DPYD: variants seen among roughly 807,000 people sequenced by gnomAD.
The protein encoded by DPYD is dihydropyrimidine dehydrogenase [NADP(+)].
In DPYD, 109 loss-of-function variants were observed where a neutral mutation model predicts 116.2. The ratio of observed to expected loss-of-function variants is 0.94; its 90% CI spans 0.80 to 1.10. DPYD has a LOEUF of 1.10. DPYD is among the 50% of genes least tolerant of loss of function. DPYD has a pLI of 0.00. For missense variants in DPYD, 1,302 were observed against 1,254.5 expected, an observed-to-expected ratio of 1.04 and a Z score of -0.57; for synonymous variants, 440 against 432.0, an observed-to-expected ratio of 1.02 and a Z score of -0.23.
At chr1:97,166,784 T>C (rs2101758334) in intron 20 of DPYD, among the ~76,000 whole-genome samples, 1 of 152,282 alleles carries the variant, frequency 6.6e-6, no homozygotes, top group South Asian at 2.1e-4. Flanking sequence ...GTGCCAGAAA[T>C]TATATTTTAT....
intron 10 of DPYD, among the ~76,000 whole-genome samples, chr1:97,581,078 G>A (rs181933239): frequency 1.3e-5 from 2 of 152,012 alleles, no homozygotes; most frequent in Admixed American, 1.3e-4. Flanking sequence ...GGCCAAGGCA[G>A]GCAGATCACG....
At chr1:97,336,911 A>C (rs760342323) in intron 16 of DPYD, among the ~76,000 whole-genome samples, 3 of 152,188 alleles carry the variant, frequency 2.0e-5, no homozygotes, top group Non-Finnish European at 2.9e-5. Context: ...ACAATGTTAA[A>C]GAGGTTTCAA....
At chr1:97,597,643 C>T (rs1654975688) in intron 8 of DPYD, among the ~76,000 whole-genome samples, 1 of 152,074 alleles carries the variant, frequency 6.6e-6, no homozygotes, top group African/African-American at 2.4e-5. Context: ...TGTGGGTGGG[C>T]CCTATCCAAT....
chr1:97,165,062 G>T (rs953031191), intron 20 of DPYD, among the ~76,000 whole-genome samples: 1 of 151,900 alleles, frequency 6.6e-6, no homozygotes, highest in Non-Finnish European at 1.5e-5. Flanking sequence ...ATTCTTCACA[G>T]AACTAGAGAA....
intron 21 of DPYD, among the ~76,000 whole-genome samples, 172 bp downstream of exon 21, chr1:97,098,317 G>A (rs1650413826): frequency 6.6e-6 from 1 of 152,036 alleles, no homozygotes; most frequent in South Asian, 2.1e-4. Flanking sequence ...AATAAAAAAG[G>A]TTATTTTATA....
At chr1:97,447,998 A>AGCACTTTG (rs1676183868) in intron 14 of DPYD, among the ~76,000 whole-genome samples, 1 of 152,096 alleles carries the variant, frequency 6.6e-6, no homozygotes, top group Non-Finnish European at 1.5e-5. Flanking sequence ...CTGAGGTAGG[A>AGCACTTTG]GGACTGCTTG....
intron 15 of DPYD, among the ~76,000 whole-genome samples, chr1:97,376,327 T>A (rs1671610953): frequency 6.6e-6 from 1 of 152,206 alleles, no homozygotes; most frequent in Admixed American, 6.5e-5. Flanking sequence ...CCTTACAGCT[T>A]CCAAGCTTGA....
At chr1:97,509,130 A>C (rs1396359889) in intron 13 of DPYD, among the ~76,000 whole-genome samples, 2 of 152,016 alleles carry the variant, frequency 1.3e-5, no homozygotes, top group Non-Finnish European at 2.9e-5. Flanking sequence ...AGCAAAGGCA[A>C]GTCAACCCAG....
chr1:97,083,702 A>T (rs1649317546), intron 21 of DPYD, among the ~76,000 whole-genome samples: 1 of 152,174 alleles, frequency 6.6e-6, no homozygotes, highest in Non-Finnish European at 1.5e-5. Flanking sequence ...TATCAGCTGC[A>T]TAATGAGCAC....
At chr1:97,683,272 T>A (rs921470715) in intron 7 of DPYD, among the ~76,000 whole-genome samples, 2 of 151,920 alleles carry the variant, frequency 1.3e-5, no homozygotes, top group Admixed American at 1.3e-4. Flanking sequence ...TGTACATGTT[T>A]CCTTGTGGGA....
At chr1:97,545,837 A>T (rs1650804365) in intron 12 of DPYD, 2 of 1,174,356 alleles carry the variant, frequency 1.7e-6, no homozygotes, top group South Asian at 1.2e-5. Context: ...CCCCTTCTGC[A>T]GCTCCCTTAC....
At chr1:97,721,167 T>A (rs984915058) in intron 5 of DPYD, among the ~76,000 whole-genome samples, 1 of 151,794 alleles carries the variant, frequency 6.6e-6, no homozygotes, top group African/African-American at 2.4e-5. Context: ...GGGAAAATAA[T>A]CTGTTACAGA....
At chr1:97,892,357 C>A (rs2101662716) in intron 1 of DPYD, among the ~76,000 whole-genome samples, 1 of 151,858 alleles carries the variant, frequency 6.6e-6, no homozygotes, top group Middle Eastern at 3.4e-3. Context: ...CCAGTCTCAG[C>A]CAGTTATCCC....
At chr1:97,319,947 T>C (rs975490018) in intron 16 of DPYD, among the ~76,000 whole-genome samples, 16 of 126,428 alleles carry the variant, frequency 1.3e-4, no homozygotes, top group African/African-American at 4.6e-4. Context: ...TCAATAAATG[T>C]AATACAGCAT....
At chr1:97,773,897 C>CAAGGATACAGA (rs1553237307) in intron 3 of DPYD, among the ~76,000 whole-genome samples, 1 of 152,164 alleles carries the variant, frequency 6.6e-6, no homozygotes, top group East Asian at 1.9e-4. Context: ...TACACTAAGG[C>CAAGGATACAGA]AAGAACCCAG....
At chr1:97,231,749 C>G (rs190644944) in intron 19 of DPYD, among the ~76,000 whole-genome samples, 1 of 152,268 alleles carries the variant, frequency 6.6e-6, no homozygotes, top group East Asian at 1.9e-4. Context: ...AAAAATTTCA[C>G]TCTCAAGTAG....
At chr1:97,092,548 CCCTA>C (rs1649963245) in intron 21 of DPYD, among the ~76,000 whole-genome samples, 1 of 152,068 alleles carries the variant, frequency 6.6e-6, no homozygotes. Context: ...CTCCAGAACT[CCCTA>C]CTTCTTCATA....
At chr1:97,295,754 G>A in intron 18 of DPYD, 1 of 984,204 alleles carries the variant, frequency 1.0e-6, no homozygotes, top group African/African-American at 1.7e-5. Flanking sequence ...AAAATTGCCA[G>A]TGCTACTGTA....
chr1:97,270,660 G>A (rs59037276), intron 18 of DPYD, among the ~76,000 whole-genome samples: 11,571 of 152,188 alleles, frequency 0.076, 999 homozygotes, highest in African/African-American at 0.21. Flanking sequence ...TGTGAACACT[G>A]GGAATTTGTC....
Sources: gnomAD v4.1 joint callset for allele counts (sites outside exome capture counted in the v4.1 genomes callset) on GRCh38, gnomAD v4.1.1 for gene constraint, MANE v1.5 for transcripts, NCBI Gene and HGNC (gene_info 2026-07-23, HGNC 2026-07-21) for gene names.